Variants in GPATCH11 observed in about 807,000 individuals in gnomAD.
GPATCH11 encodes the protein G patch domain-containing protein 11.
A neutral mutation model predicts 44.8 loss-of-function variants in GPATCH11; 32 were observed. The observed-to-expected ratio is 0.71, with a 90% CI of 0.54 to 0.96. The LOEUF is 0.96. Ranked by LOEUF, GPATCH11 falls within the 40% of genes least tolerant of loss-of-function variation. The probability of loss-of-function intolerance (pLI) is 0.00; values close to 1 mark genes in which losing one functional copy is unlikely to be tolerated. For synonymous variants in GPATCH11, 84 were observed against 94.4 expected, an observed-to-expected ratio of 0.89 and a Z score of 0.64; for missense variants, 324 against 303.1, an observed-to-expected ratio of 1.07 and a Z score of -0.51.
At chr2:37,093,403 A>T (rs576901467) in intron 6 of GPATCH11, among the ~76,000 whole-genome samples, 162 of 152,246 alleles carry the variant, frequency 1.1e-3, no homozygotes, top group Non-Finnish European at 1.5e-3. Context: ...TGAAAATAAA[A>T]TGACTTCATT....
intron 3 of GPATCH11, 46 bp from the exon 4 acceptor site, chr2:37,090,635 G>T (rs1289974679): frequency 3.5e-6 from 4 of 1,142,070 alleles, no homozygotes; most frequent in Non-Finnish European, 5.1e-6. Context: ...CTGTTCTGTA[G>T]TTTGAGGAAA....
At chr2:37,092,923 A>C (rs1274569029) in intron 6 of GPATCH11, among the ~76,000 whole-genome samples, 1 of 152,152 alleles carries the variant, frequency 6.6e-6, no homozygotes, top group Non-Finnish European at 1.5e-5. Context: ...AGGCAGGATG[A>C]TTATTTCAGC....
intron 7 of GPATCH11, 90 bp downstream of exon 7, chr2:37,094,285 G>C: frequency 1.3e-6 from 1 of 784,068 alleles, no homozygotes. Flanking sequence ...GTGGAGAGCT[G>C]TCCTGTGCAT....
intron 2 of GPATCH11, among the ~76,000 whole-genome samples, chr2:37,089,017 T>G (rs966013591): frequency 2.0e-4 from 31 of 151,950 alleles, no homozygotes; most frequent in African/African-American, 7.0e-4. Context: ...ATATTGTCTC[T>G]TCTAGCTGCT....
Position 37,099,040 on chromosome 2 carries a change from T to C in GPATCH11, c.*2777T>C, listed in dbSNP as rs1452095639. 1 of 152,234 alleles carries C rather than the reference T, an allele frequency of 6.6e-6. No individual in the cohort carries two copies. Among genetic ancestry groups the C allele is most frequent in the East Asian group, 1.9e-4 (1 of 5,198 alleles). The allele number at this position is 152,234 out of a possible 1,614,324, so 9.4% of individuals were successfully genotyped here. A position where few individuals can be genotyped will look rare whatever the true frequency, so the allele number is the denominator to read the frequency against. On this transcript the variant is annotated 3_prime_UTR_variant, in exon 9 of 9. Coordinates refer to ENST00000674370, the MANE Select transcript of GPATCH11 (RefSeq NM_174931.4). ...AGAACATTAATACGAAATTTGAAAC[T>C]GCAAAACAATGTAAAATTTAATGTC...
In GPATCH11 at chr2:37,099,196, T is replaced by G. The variant is rs548180854; in HGVS notation, c.*2933T>G. ...AGTTTCTGAAATTCAAAATAAATAC[T>G]TTAACATACCAAATTGGTTTTTCTA... is the stretch of plus-strand genomic sequence containing the variant. On this transcript the variant is annotated 3_prime_UTR_variant, in exon 9 of 9. Transcript: ENST00000674370. 1 of 152,238 alleles carries G rather than the reference T, an allele frequency of 6.6e-6. No homozygotes were observed. Among genetic ancestry groups the G allele is most frequent in the Non-Finnish European group, 1.5e-5 (1 of 68,028 alleles). The allele number at this position is 152,238 out of a possible 1,614,324, so 9.4% of individuals were successfully genotyped here.
intron 1 of GPATCH11, among the ~76,000 whole-genome samples, chr2:37,087,430 C>T (rs984252049): frequency 4.6e-5 from 7 of 152,248 alleles, no homozygotes; most frequent in African/African-American, 1.7e-4. Context: ...TGCAGAACCT[C>T]AGGTTCCAGC....
At chr2:37,089,526 C>A in intron 2 of GPATCH11, 114 bp from the exon 3 acceptor site, 2 of 751,512 alleles carry the variant, frequency 2.7e-6, no homozygotes. Flanking sequence ...AAGATTATGC[C>A]ATTGCATTAC....
At chr2:37,090,869 C>A in intron 4 of GPATCH11, 147 bp downstream of exon 4, 5 of 542,796 alleles carry the variant, frequency 9.2e-6, no homozygotes, top group South Asian at 2.7e-5. Context: ...ACCTCTTCAA[C>A]CAGAAAAGAA....
Position 37,098,683 on chromosome 2 carries a change from G to T in GPATCH11, c.*2420G>T, listed in dbSNP as rs190068615. 2 of 152,296 alleles carry T rather than the reference G, an allele frequency of 1.3e-5. No individual in the cohort carries two copies. Among genetic ancestry groups the T allele is most frequent in the Non-Finnish European group, 2.9e-5 (2 of 68,038 alleles). The allele number at this position is 152,296 out of a possible 1,614,324, so 9.4% of individuals were successfully genotyped here. ...ACCAGGATTGTGGTCTACATTTACA[G>T]GCCTAGTACTAGAACTAGACCGGCT... On this transcript the variant is annotated 3_prime_UTR_variant, in exon 9 of 9. Coordinates refer to ENST00000674370, the MANE Select transcript of GPATCH11 (RefSeq NM_174931.4).
rs192818435 is a variant in GPATCH11, at chr2:37,091,295, G to T, written c.328+573G>T. On this transcript the variant is annotated intron_variant, in intron 4 of 8. Transcript: ENST00000674370. ...GCTAAGATTGCGCCATTGCACTCCA[G>T]CCTGGGCAACAAGAGTGAAATTCCA... Among the ~76,000 whole-genome samples the T allele has an allele frequency of 2.0e-5, 3 of 151,046 alleles. No individual in the cohort carries two copies. In the East Asian group the frequency reaches 5.8e-4, roughly 29 times the overall value.
At position 37,094,189 on chromosome 2, in the gene GPATCH11, T is replaced by C; in HGVS notation, c.648T>C (p.Asp216=). 1 of 1,529,642 alleles carries C rather than the reference T, an allele frequency of 6.5e-7. No individual in the cohort carries two copies. Among genetic ancestry groups the C allele is most frequent in the Non-Finnish European group, 8.9e-7 (1 of 1,125,290 alleles). 94.8% of individuals were successfully genotyped at this position (1,529,642 alleles called of 1,614,324 possible). A position where few individuals can be genotyped will look rare whatever the true frequency, so the allele number is the denominator to read the frequency against. ...EQDEDEYKSE[D]LSVLEKLQIL... is the part of the protein sequence containing the mutation. ...ATGAAGATGAATATAAGAGTGAAGA[T>C]TTAAGCGTATGCTTTGCACCATTTC... Residue 216 remains aspartate (D), a synonymous_variant, in exon 7 of 9, where the codon GAT becomes GAC. Coordinates refer to ENST00000674370, the MANE Select transcript of GPATCH11 (RefSeq NM_174931.4).
intron 3 of GPATCH11, among the ~76,000 whole-genome samples, 158 bp downstream of exon 3, chr2:37,090,024 T>C (rs1673241416): frequency 6.6e-6 from 1 of 152,232 alleles, no homozygotes. Flanking sequence ...GGAGAGCTTT[T>C]CATCATCCCA....
Position 37,084,568 on chromosome 2 carries a change from C to T in GPATCH11, c.-16C>T. ...TGAACCGGGGCGAGCAGAGAGCTGT[C>T]AGGTAAGAGAGCTGTCAGGTAAGGG... is the stretch of plus-strand genomic sequence containing the variant. On this transcript the variant is annotated splice_region_variant and 5_prime_UTR_variant, in exon 1 of 9. Coordinates refer to ENST00000674370, the MANE Select transcript of GPATCH11 (RefSeq NM_174931.4). The T allele has an allele frequency of 4.9e-6, 6 of 1,232,296 alleles. No homozygotes were observed. Among genetic ancestry groups the T allele is most frequent in the Non-Finnish European group, 6.1e-6 (6 of 988,064 alleles). 76.3% of individuals were successfully genotyped at this position (1,232,296 alleles called of 1,614,324 possible). A position where few individuals can be genotyped will look rare whatever the true frequency, so the allele number is the denominator to read the frequency against.
chr2:37,085,376 AATG>A (rs1672958717), intron 1 of GPATCH11, among the ~76,000 whole-genome samples: 1 of 152,202 alleles, frequency 6.6e-6, no homozygotes, highest in African/African-American at 2.4e-5. Flanking sequence ...ATGTGATAAA[AATG>A]TGTGATATAC....
intron 1 of GPATCH11, among the ~76,000 whole-genome samples, chr2:37,084,948 G>C (rs1401844756): frequency 1.3e-5 from 2 of 152,088 alleles, no homozygotes; most frequent in Non-Finnish European, 2.9e-5. Context: ...CAAAAACTTA[G>C]CGTTATCTTG....
At chr2:37,091,466 G>C (rs1050962371) in intron 4 of GPATCH11, among the ~76,000 whole-genome samples, 2 of 152,002 alleles carry the variant, frequency 1.3e-5, no homozygotes, top group African/African-American at 4.8e-5. Context: ...AGGCTGAGGC[G>C]GGACGATTCC....
At chr2:37,092,327 T>C (rs1175791339) in intron 6 of GPATCH11, 72 bp downstream of exon 6, 1 of 249,094 alleles carries the variant, frequency 4.0e-6, no homozygotes, top group African/African-American at 2.4e-5. Flanking sequence ...TTATTTATTA[T>C]ATATATATAT....
intron 4 of GPATCH11, among the ~76,000 whole-genome samples, chr2:37,091,487 A>G (rs1673318091): frequency 6.6e-6 from 1 of 152,066 alleles, no homozygotes; most frequent in African/African-American, 2.4e-5. Flanking sequence ...TGGAGCCCAC[A>G]AGTTCGAGGT....
Sources: gnomAD v4.1 joint callset for allele counts (sites outside exome capture counted in the v4.1 genomes callset) on GRCh38, gnomAD v4.1.1 for gene constraint, MANE v1.5 for transcripts, NCBI Gene and HGNC (gene_info 2026-07-23, HGNC 2026-07-21) for gene names.